Variants in EDIL3 observed in about 807,000 individuals in gnomAD.
EDIL3 encodes EGF like and discoidin domains 3.
In EDIL3, 37 loss-of-function variants were observed where a neutral mutation model predicts 67.4. The ratio of observed to expected loss-of-function variants is 0.55; its 90% CI spans 0.42 to 0.72. The LOEUF (loss-of-function observed/expected upper bound fraction) is 0.72. Among genes scored for constraint, EDIL3 ranks in the 30% least tolerant of loss-of-function variants. The pLI, the probability that EDIL3 is intolerant of heterozygous loss-of-function variation, is 0.00. For missense variants in EDIL3, 527 were observed against 586.3 expected (o/e 0.90, Z 1.04); for synonymous variants, 195 against 196.3 (o/e 0.99, Z 0.05).
At chr5:83,946,127 C>T (rs139763610) in intron 10 of EDIL3, among the ~76,000 whole-genome samples, 233 of 152,036 alleles carry the variant, frequency 1.5e-3, no homozygotes, top group African/African-American at 5.4e-3. Flanking sequence ...AAAGTGCTTT[C>T]ACAGGCACAT....
At chr5:84,235,542 A>T (rs993367710) in intron 2 of EDIL3, among the ~76,000 whole-genome samples, 5 of 152,020 alleles carry the variant, frequency 3.3e-5, no homozygotes, top group African/African-American at 1.2e-4. Flanking sequence ...CTCCCATTAG[A>T]CTAAGAGTTT....
At chr5:84,314,329 A>C (rs1163854721) in intron 1 of EDIL3, among the ~76,000 whole-genome samples, 1 of 152,174 alleles carries the variant, frequency 6.6e-6, no homozygotes, top group Non-Finnish European at 1.5e-5. Context: ...CCAATGACAA[A>C]TCTCTCCCAT....
chr5:84,337,317 C>T (rs1691134142), intron 1 of EDIL3, among the ~76,000 whole-genome samples: 1 of 152,116 alleles, frequency 6.6e-6, no homozygotes, highest in Admixed American at 6.6e-5. Flanking sequence ...ACACGTTGAT[C>T]TGCTTTTGGT....
intron 1 of EDIL3, among the ~76,000 whole-genome samples, chr5:84,288,492 A>G (rs1325819513): frequency 6.6e-6 from 1 of 152,144 alleles, no homozygotes; most frequent in Non-Finnish European, 1.5e-5. Flanking sequence ...AGGGAGTATA[A>G]TGCAGGCCCT....
In EDIL3 at chr5:84,060,423, G is replaced by A; in HGVS notation, c.1014C>T (p.Ser338=). The A allele has an allele frequency of 6.2e-7, 1 of 1,613,786 alleles. No homozygotes were observed. The highest frequency in any genetic ancestry group is 8.5e-7 in the Non-Finnish European group (1 of 1,179,820). Residue 338 remains serine, a synonymous_variant, in exon 9 of 11, where the codon TCC becomes TCT. Coordinates refer to ENST00000296591, the MANE Select transcript of EDIL3 (RefSeq NM_005711.5). The stretch of plus-strand genomic sequence containing the variant: ...CCATGTTGAGCGTTCTGAAGATGCT[G>A]GAGGCAGTGATCTGATAGTCTTGTA... ...GHIQDYQITA[S]SIFRTLNMDM...
At chr5:83,965,627 C>T (rs925395238) in intron 9 of EDIL3, among the ~76,000 whole-genome samples, 1 of 151,984 alleles carries the variant, frequency 6.6e-6, no homozygotes, top group Non-Finnish European at 1.5e-5. Context: ...AGTTTTCTAA[C>T]ATCCCCTTTT....
At chr5:84,146,845 C>T (rs1748298377) in intron 4 of EDIL3, among the ~76,000 whole-genome samples, 1 of 151,650 alleles carries the variant, frequency 6.6e-6, no homozygotes, top group South Asian at 2.1e-4. Context: ...TTTTTTTTCT[C>T]GGTCACAATT....
chr5:84,156,798 G>C (rs1748499212), intron 4 of EDIL3, among the ~76,000 whole-genome samples: 1 of 152,072 alleles, frequency 6.6e-6, no homozygotes, highest in African/African-American at 2.4e-5. Context: ...CCCTAAGAGA[G>C]CAATAATCTT....
At chr5:84,085,571 A>G (rs951825768) in intron 6 of EDIL3, among the ~76,000 whole-genome samples, 38 of 152,276 alleles carry the variant, frequency 2.5e-4, no homozygotes, top group African/African-American at 8.7e-4. Context: ...GAGGGGCACC[A>G]ACCTGACGCC....
At chr5:84,162,817 T>C (rs1748638811) in intron 4 of EDIL3, among the ~76,000 whole-genome samples, 1 of 152,202 alleles carries the variant, frequency 6.6e-6, no homozygotes, top group Non-Finnish European at 1.5e-5. Context: ...CCTTGATCTG[T>C]ATCCAGTGAG....
intron 3 of EDIL3, among the ~76,000 whole-genome samples, chr5:84,202,066 C>T (rs1743853201): frequency 6.6e-6 from 1 of 152,202 alleles, no homozygotes; most frequent in South Asian, 2.1e-4. Flanking sequence ...TTCTTAAATA[C>T]ACATGGTAGG....
At chr5:84,058,757 G>A (rs973121841) in intron 9 of EDIL3, among the ~76,000 whole-genome samples, 7 of 152,148 alleles carry the variant, frequency 4.6e-5, no homozygotes, top group African/African-American at 1.7e-4. Context: ...ATATCTTAAT[G>A]TCTTAAGCAA....
chr5:84,129,661 G>A (rs1489938860), intron 5 of EDIL3, among the ~76,000 whole-genome samples: 4 of 151,990 alleles, frequency 2.6e-5, no homozygotes, highest in Non-Finnish European at 5.9e-5. Flanking sequence ...AAACAGAGCA[G>A]ATATTTGTTA....
intron 1 of EDIL3, among the ~76,000 whole-genome samples, chr5:84,294,165 C>T (rs1009725290): frequency 1.3e-5 from 2 of 150,396 alleles, no homozygotes; most frequent in South Asian, 4.2e-4. Context: ...GGGTGGATCA[C>T]GAGGTCAGGA....
intron 10 of EDIL3, among the ~76,000 whole-genome samples, chr5:83,961,712 C>CTT (rs1160508252): frequency 6.6e-6 from 1 of 151,086 alleles, no homozygotes; most frequent in Non-Finnish European, 1.5e-5. Flanking sequence ...AATCAGAATG[C>CTT]TTACTGTAAA....
intron 1 of EDIL3, among the ~76,000 whole-genome samples, chr5:84,371,466 G>T (rs1370557770): frequency 6.8e-6 from 1 of 146,470 alleles, no homozygotes; most frequent in Non-Finnish European, 1.5e-5. Context: ...GAGAGAGAGA[G>T]AGAGAGAGAG....
At chr5:84,161,398 A>T (rs1748611344) in intron 4 of EDIL3, among the ~76,000 whole-genome samples, 1 of 152,114 alleles carries the variant, frequency 6.6e-6, no homozygotes. Flanking sequence ...ATAAGATTAC[A>T]GGACAACTGT....
At chr5:84,075,680 G>C (rs947547339) in intron 6 of EDIL3, among the ~76,000 whole-genome samples, 1 of 152,010 alleles carries the variant, frequency 6.6e-6, no homozygotes, top group African/African-American at 2.4e-5. Flanking sequence ...TCTCCATGTT[G>C]GTCAGGCTTA....
intron 1 of EDIL3, among the ~76,000 whole-genome samples, chr5:84,270,076 T>G (rs976208586): frequency 1.3e-5 from 2 of 152,248 alleles, no homozygotes; most frequent in African/African-American, 2.4e-5. Flanking sequence ...TATCTCTAGA[T>G]AGTGAGATCA....
Sources: allele counts gnomAD v4.1 joint callset (sites outside exome capture counted in the v4.1 genomes callset), GRCh38; gene constraint gnomAD v4.1.1; transcripts MANE v1.5; gene names NCBI Gene and HGNC (gene_info 2026-07-23, HGNC 2026-07-21).